Variants in PREX2 observed in about 807,000 individuals in gnomAD.
The protein encoded by PREX2 is phosphatidylinositol 3,4,5-trisphosphate-dependent Rac exchanger 2 protein.
Under a neutral mutation model 203.2 loss-of-function variants are expected in PREX2, and 107 were observed. The ratio of observed to expected loss-of-function variants is 0.53; its 90% confidence interval spans 0.45 to 0.62. The LOEUF (loss-of-function observed/expected upper bound fraction) is 0.62, where lower values mean the gene tolerates loss of function less well. Ranked by LOEUF, PREX2 falls within the 20% of genes least tolerant of loss-of-function variation. The pLI, the probability that PREX2 is intolerant of heterozygous loss-of-function variation, is 0.00. For synonymous variants in PREX2, 672 were observed against 663.6 expected (o/e 1.01, Z -0.19); for missense variants, 1,777 against 1,955.9 (o/e 0.91, Z 1.72).
chr8:67,996,754 A>T (rs1363209263), intron 1 of PREX2, among the ~76,000 whole-genome samples: 1 of 152,178 alleles, frequency 6.6e-6, no homozygotes. Context: ...TCTTTCTAGA[A>T]GTTCTCTATT....
intron 23 of PREX2, chr8:68,105,521 G>C (rs1028841528): frequency 8.7e-7 from 1 of 1,153,616 alleles, no homozygotes; most frequent in East Asian, 6.1e-5. Context: ...AGCTCTCCCC[G>C]ATTACTCCAT....
chr8:67,994,950 C>T (rs986731869), intron 1 of PREX2, among the ~76,000 whole-genome samples: 4 of 152,102 alleles, frequency 2.6e-5, no homozygotes, highest in Non-Finnish European at 4.4e-5. Flanking sequence ...TAATTCAGGA[C>T]GTTTATATTT....
intron 19 of PREX2, among the ~76,000 whole-genome samples, chr8:68,090,309 G>T (rs1809829891): frequency 6.6e-6 from 1 of 152,128 alleles, no homozygotes; most frequent in African/African-American, 2.4e-5. Flanking sequence ...GAAGGAAAAA[G>T]AACTGATTAG....
At chr8:68,073,896 C>CT (rs922800555) in intron 14 of PREX2, among the ~76,000 whole-genome samples, 218 of 147,754 alleles carry the variant, frequency 1.5e-3, no homozygotes, top group African/African-American at 4.4e-3. Context: ...CAGGTATCAA[C>CT]TTTTTTTTTT....
chr8:68,053,100 A>G lies in PREX2; in HGVS notation c.947A>G (p.Asp316Gly), dbSNP rs768151750. 1.1e-5 allele frequency: 18 copies of G among 1,611,316 alleles called. No homozygotes were observed. In the East Asian group the frequency reaches 3.3e-4, roughly 30 times the overall value. ...GCCTTTACCCATTAATTTACAGCTG[A>G]TTTCCATAGCAGTGGACACATTGTT... ...EVENVDDGTA[D>G]FHSSGHIVVN... The change falls in exon 9 of 40, where the codon GAT becomes GGT. Residue 316 changes from aspartate (D) to glycine (G), a missense_variant. Transcript: ENST00000288368.
At chr8:68,094,763 C>T (rs1810003678) in intron 21 of PREX2, among the ~76,000 whole-genome samples, 1 of 152,188 alleles carries the variant, frequency 6.6e-6, no homozygotes, top group African/African-American at 2.4e-5. Flanking sequence ...CTCCTAACAC[C>T]AACTGGGTGT....
chr8:68,028,700 T>C (rs1807799922), intron 5 of PREX2, among the ~76,000 whole-genome samples: 1 of 152,004 alleles, frequency 6.6e-6, no homozygotes, highest in African/African-American at 2.4e-5. Flanking sequence ...TACAGACCTC[T>C]GACTTGACTC....
At chr8:67,981,488 T>C (rs1304406680) in intron 1 of PREX2, among the ~76,000 whole-genome samples, 3 of 152,190 alleles carry the variant, frequency 2.0e-5, no homozygotes, top group East Asian at 3.8e-4. Flanking sequence ...AACCACTAGA[T>C]AGAAGTCCAG....
intron 5 of PREX2, among the ~76,000 whole-genome samples, chr8:68,028,245 A>G (rs1322825561): frequency 2.6e-5 from 4 of 151,732 alleles, no homozygotes; most frequent in African/African-American, 9.7e-5. Context: ...ATGCATATAT[A>G]TAGGATTATA....
intron 1 of PREX2, among the ~76,000 whole-genome samples, chr8:67,993,498 C>T (rs1308003441): frequency 6.6e-6 from 1 of 151,658 alleles, no homozygotes; most frequent in East Asian, 1.9e-4. Context: ...CCTCCGCCTC[C>T]CAGGCTCAAG....
chr8:68,065,410 G>A (rs1808986564), intron 11 of PREX2, among the ~76,000 whole-genome samples: 1 of 152,072 alleles, frequency 6.6e-6, no homozygotes, highest in Admixed American at 6.6e-5. Flanking sequence ...TTTCATACAG[G>A]CTTTTTTACG....
intron 8 of PREX2, among the ~76,000 whole-genome samples, chr8:68,052,777 T>C (rs961640404): frequency 1.3e-5 from 2 of 152,200 alleles, no homozygotes; most frequent in Non-Finnish European, 2.9e-5. Flanking sequence ...ACCTTGCATG[T>C]TATTCTTTTA....
intron 37 of PREX2, among the ~76,000 whole-genome samples, chr8:68,214,954 A>C (rs889573077): frequency 6.6e-6 from 1 of 152,230 alleles, no homozygotes; most frequent in African/African-American, 2.4e-5. Context: ...TAGCATGAAA[A>C]GACAAATAAA....
chr8:67,996,156 T>C (rs1405151549), intron 1 of PREX2, among the ~76,000 whole-genome samples: 1 of 152,144 alleles, frequency 6.6e-6, no homozygotes, highest in Non-Finnish European at 1.5e-5. Context: ...TTTTTACCCA[T>C]TTGAAAATAT....
At chr8:68,078,880 A>G (rs145067287) in intron 15 of PREX2, among the ~76,000 whole-genome samples, 1 of 152,358 alleles carries the variant, frequency 6.6e-6, no homozygotes, top group African/African-American at 2.4e-5. Context: ...AAAGTCTGAC[A>G]GTAAAGCATG....
chr8:68,077,336 C>T (rs117163124), intron 14 of PREX2, 61 bp from the exon 15 acceptor site: 18,160 of 1,203,634 alleles, frequency 0.015, 186 homozygotes, highest in Middle Eastern at 0.036. Flanking sequence ...TTAAATGGAG[C>T]AAAGCTGCCA....
At chr8:68,008,579 G>A (rs959383434) in intron 1 of PREX2, among the ~76,000 whole-genome samples, 1 of 135,260 alleles carries the variant, frequency 7.4e-6, no homozygotes, top group South Asian at 2.4e-4. Flanking sequence ...ACGTTTCTGA[G>A]GTATAAAAGT....
intron 21 of PREX2, among the ~76,000 whole-genome samples, chr8:68,095,982 TG>T (rs557465661): frequency 7.2e-4 from 110 of 152,170 alleles, no homozygotes; most frequent in African/African-American, 2.6e-3. Context: ...ACTGATCGTA[TG>T]GGGGGTACTT....
intron 1 of PREX2, among the ~76,000 whole-genome samples, chr8:67,967,322 T>C (rs1464630064): frequency 6.6e-6 from 1 of 152,236 alleles, no homozygotes; most frequent in East Asian, 1.9e-4. Flanking sequence ...TGTCATTCTT[T>C]AGTTGTCATT....
Sources: gnomAD v4.1 joint callset for allele counts (sites outside exome capture counted in the v4.1 genomes callset) on GRCh38, gnomAD v4.1.1 for gene constraint, MANE v1.5 for transcripts, NCBI Gene and HGNC (gene_info 2026-07-23, HGNC 2026-07-21) for gene names.